CYP39A1: variants seen among roughly 807,000 people sequenced by gnomAD.
CYP39A1 encodes cytochrome P450 family 39 subfamily A member 1.
CYP39A1 carries 49 observed loss-of-function variants against 58.1 expected under a neutral mutation model. The observed-to-expected ratio is 0.84, with a 90% CI of 0.67 to 1.07. The LOEUF is 1.07. CYP39A1 is among the 50% of genes least tolerant of loss of function. The pLI is 0.00. For missense variants in CYP39A1, 531 were observed against 539.4 expected, an observed-to-expected ratio of 0.98 and a Z score of 0.16; for synonymous variants, 209 against 187.6, an observed-to-expected ratio of 1.11 and a Z score of -0.93.
At chr6:46,583,717 G>C (rs1772291300) in intron 10 of CYP39A1, 2 of 386,440 alleles carry the variant, frequency 5.2e-6, no homozygotes, top group Non-Finnish European at 7.1e-6. Context: ...GAACCCCCAC[G>C]AATACGAAGA....
chr6:46,555,150 C>T (rs1770609958), intron 10 of CYP39A1, among the ~76,000 whole-genome samples: 1 of 152,302 alleles, frequency 6.6e-6, no homozygotes, highest in Admixed American at 6.5e-5. Flanking sequence ...GCAGTCTCCT[C>T]TCCCCCAGAG....
At chr6:46,572,699 A>C (rs1412932790) in intron 10 of CYP39A1, among the ~76,000 whole-genome samples, 1 of 152,144 alleles carries the variant, frequency 6.6e-6, no homozygotes, top group African/African-American at 2.4e-5. Context: ...GTAAATGTCC[A>C]TATCTCTCTC....
In CYP39A1 at chr6:46,652,574, T is replaced by C. The variant is rs751151426; in HGVS notation, c.9A>G (p.Leu3=). ME[L]ISPTVIIILG... is the part of the protein sequence containing the mutation. Reference sequence around the variant, plus strand: ...GGATTATAATCACTGTTGGGGAAATTAGTTCCATGTTTTTGTCCAGCACCT... The same window carrying C: ...GGATTATAATCACTGTTGGGGAAATCAGTTCCATGTTTTTGTCCAGCACCT... Residue 3 remains leucine, a synonymous_variant, in exon 1 of 12, where the codon CTA becomes CTG. Transcript: ENST00000275016. The C allele has an allele frequency of 4.4e-6, 7 of 1,600,650 alleles. No individual in the cohort carries two copies. The highest frequency in any genetic ancestry group is 5.1e-6 in the Non-Finnish European group (6 of 1,174,290).
In CYP39A1 at chr6:46,615,339, C is replaced by T. The variant is rs141478614; in HGVS notation, c.931+10079G>A. 2.1e-3 allele frequency among the ~76,000 whole-genome samples: 315 copies of T among 151,904 alleles called. 3 individuals are homozygous for T. The highest frequency in any genetic ancestry group is 7.5e-3 in the African/African-American group (309 of 41,472). ...AACATAACATATATTTATATATGCA[C>T]ATGTCTGTGTGTATATATACAAATA... On this transcript the variant is annotated intron_variant, in intron 7 of 11. Coordinates refer to ENST00000275016, the MANE Select transcript of CYP39A1 (RefSeq NM_016593.5).
intron 10 of CYP39A1, chr6:46,583,624 G>A (rs1168078972): frequency 1.0e-6 from 1 of 980,176 alleles, no homozygotes; most frequent in East Asian, 1.1e-4. Flanking sequence ...GACTTCTCCA[G>A]TAGTAGAATT....
At chr6:46,618,724 T>C (rs11755094) in intron 7 of CYP39A1, among the ~76,000 whole-genome samples, 1 of 152,094 alleles carries the variant, frequency 6.6e-6, no homozygotes, top group Non-Finnish European at 1.5e-5. Flanking sequence ...TAATGATTTG[T>C]GTGGGTGTGT....
intron 6 of CYP39A1, among the ~76,000 whole-genome samples, chr6:46,627,811 T>C (rs2150575847): frequency 6.6e-6 from 1 of 152,298 alleles, no homozygotes; most frequent in Non-Finnish European, 1.5e-5. Flanking sequence ...GCATATAAAA[T>C]AGTTAATAAA....
chr6:46,570,320 C>G (rs944881755), intron 10 of CYP39A1, among the ~76,000 whole-genome samples: 2 of 152,066 alleles, frequency 1.3e-5, no homozygotes, highest in Non-Finnish European at 2.9e-5. Flanking sequence ...TTTCTAGTCT[C>G]TATTTCATTT....
chr6:46,573,400 C>A (rs1771692309), intron 10 of CYP39A1, among the ~76,000 whole-genome samples: 1 of 152,130 alleles, frequency 6.6e-6, no homozygotes, highest in Non-Finnish European at 1.5e-5. Flanking sequence ...TTTGACAGGA[C>A]TGTGGGGGTC....
At chr6:46,553,623 C>A (rs1318593635) in intron 11 of CYP39A1, 144 bp downstream of exon 11, 4 of 658,472 alleles carry the variant, frequency 6.1e-6, no homozygotes, top group Non-Finnish European at 1.1e-5. Context: ...TCTTCTCAGT[C>A]TGGTTCAATC....
intron 10 of CYP39A1, among the ~76,000 whole-genome samples, chr6:46,574,083 T>C (rs1183617544): frequency 6.6e-6 from 1 of 152,186 alleles, no homozygotes; most frequent in Non-Finnish European, 1.5e-5. Context: ...AAGAGATCAT[T>C]CCAGCAGCTC....
chr6:46,614,886 T>C (rs1248682981), intron 7 of CYP39A1, among the ~76,000 whole-genome samples: 3 of 152,198 alleles, frequency 2.0e-5, no homozygotes, highest in Non-Finnish European at 4.4e-5. Context: ...ACACTGCCAC[T>C]GATGTCAAGT....
At chr6:46,638,805 G>A (rs1220110459) in intron 3 of CYP39A1, among the ~76,000 whole-genome samples, 2 of 151,954 alleles carry the variant, frequency 1.3e-5, no homozygotes, top group East Asian at 1.9e-4. Flanking sequence ...CAGGATTCCT[G>A]CTGAGATGGC....
At chr6:46,643,797 T>C (rs1419653279) in intron 1 of CYP39A1, among the ~76,000 whole-genome samples, 1 of 151,848 alleles carries the variant, frequency 6.6e-6, no homozygotes, top group Non-Finnish European at 1.5e-5. Context: ...TTTGTTTTAC[T>C]TGCTTTCCTT....
intron 10 of CYP39A1, among the ~76,000 whole-genome samples, chr6:46,567,367 T>G (rs1450475621): frequency 6.6e-6 from 1 of 152,138 alleles, no homozygotes; most frequent in African/African-American, 2.4e-5. Context: ...TTTTATCCAT[T>G]TATCAATCAA....
intron 10 of CYP39A1, among the ~76,000 whole-genome samples, chr6:46,584,606 T>C (rs762919860): frequency 6.6e-6 from 1 of 152,184 alleles, no homozygotes; most frequent in Non-Finnish European, 1.5e-5. Context: ...ATTAGTGCCA[T>C]GTGAGCTGCA....
chr6:46,595,863 A>G (rs1773115023), intron 8 of CYP39A1, 124 bp downstream of exon 8: 3 of 953,516 alleles, frequency 3.1e-6, no homozygotes, highest in African/African-American at 1.7e-5. Flanking sequence ...CAAGACAAAT[A>G]TATAAAATAT....
chr6:46,569,181 T>C (rs1187929197), intron 10 of CYP39A1, among the ~76,000 whole-genome samples: 1 of 152,144 alleles, frequency 6.6e-6, no homozygotes, highest in East Asian at 1.9e-4. Context: ...CTTGTCAGAT[T>C]GTTCAGTTAG....
chr6:46,644,804 T>C (rs1000399610), intron 1 of CYP39A1, among the ~76,000 whole-genome samples: 2 of 152,206 alleles, frequency 1.3e-5, no homozygotes, highest in African/African-American at 4.8e-5. Flanking sequence ...CACCAATATT[T>C]GGTGTTGTTG....
Sources: allele counts gnomAD v4.1 joint callset (sites outside exome capture counted in the v4.1 genomes callset), GRCh38; gene constraint gnomAD v4.1.1; transcripts MANE v1.5; gene names NCBI Gene and HGNC (gene_info 2026-07-23, HGNC 2026-07-21).